GRM1: variants seen among roughly 807,000 people sequenced by gnomAD.
The protein encoded by GRM1 is metabotropic glutamate receptor 1.
A neutral mutation model predicts 90.9 loss-of-function variants in GRM1; 33 were observed. The ratio of observed to expected loss-of-function variants is 0.36; its 90% CI spans 0.28 to 0.49. The LOEUF (loss-of-function observed/expected upper bound fraction) is 0.49, where lower values mean the gene tolerates loss of function less well. Among genes scored for constraint, GRM1 ranks in the 20% least tolerant of loss-of-function variants. The pLI is 0.99. For missense variants in GRM1, 1,190 were observed against 1,534.3 expected (o/e 0.78, Z 3.75); for synonymous variants, 700 against 613.2 (o/e 1.14, Z -2.09).
chr6:146,394,946 ATCT>A (rs1436640801), intron 6 of GRM1, among the ~76,000 whole-genome samples: 1 of 152,138 alleles, frequency 6.6e-6, no homozygotes, highest in Non-Finnish European at 1.5e-5. Context: ...AGCTGGACAC[ATCT>A]TCTGCTATCC....
chr6:146,311,537 T>C (rs985230440), intron 3 of GRM1, among the ~76,000 whole-genome samples: 2 of 152,168 alleles, frequency 1.3e-5, no homozygotes, highest in African/African-American at 2.4e-5. Flanking sequence ...TTATTAACAC[T>C]TTTGATTGGC....
chr6:146,133,846 G>A (rs934565097), intron 1 of GRM1, among the ~76,000 whole-genome samples: 1 of 152,296 alleles, frequency 6.6e-6, no homozygotes, highest in African/African-American at 2.4e-5. Context: ...GCTTTAATGG[G>A]TTACCTCTCC....
At chr6:146,352,645 T>G in intron 4 of GRM1, 149 bp downstream of exon 4, 1 of 788,262 alleles carries the variant, frequency 1.3e-6, no homozygotes, top group Non-Finnish European at 2.2e-6. Context: ...TAATATCAGA[T>G]GAAATTACCA....
At chr6:146,092,276 G>A (rs1373002561) in intron 1 of GRM1, among the ~76,000 whole-genome samples, 1 of 151,878 alleles carries the variant, frequency 6.6e-6, no homozygotes, top group Non-Finnish European at 1.5e-5. Flanking sequence ...CTTATTGTCA[G>A]GACACTAATT....
Position 146,434,573 on chromosome 6 carries a change from A to T in GRM1, c.3362A>T (p.Glu1121Val), listed in dbSNP as rs776540731. The T allele has an allele frequency of 1.1e-5, 18 of 1,613,966 alleles. No homozygotes were observed. Among genetic ancestry groups the T allele is most frequent in the Non-Finnish European group, 1.5e-5 (18 of 1,180,022 alleles). Residue 1121 changes from glutamate to valine, a missense_variant, in exon 8 of 8, where the codon GAA becomes GTA. Around this residue, in one of 10 missense-constraint regions of GRM1, gnomAD observed 400 missense variants for 360.8 expected, o/e 1.11. Transcript: ENST00000282753. ...CACGAGCGGGAAGGGAACACGGAAGAAGACGAACTGGAAGAGGAGGAGGAG... is the reference window on the plus strand; with the variant it reads ...CACGAGCGGGAAGGGAACACGGAAGTAGACGAACTGGAAGAGGAGGAGGAG... The part of the protein sequence containing the change: ...YEHEREGNTE[E>V]DELEEEEEDL...
chr6:146,248,436 G>T (rs1583219580), intron 2 of GRM1, among the ~76,000 whole-genome samples: 1 of 152,158 alleles, frequency 6.6e-6, no homozygotes, highest in Non-Finnish European at 1.5e-5. Context: ...TCTCGTGATA[G>T]TGAGGGAGTT....
chr6:146,264,240 T>A (rs1221544349), intron 2 of GRM1, among the ~76,000 whole-genome samples: 1 of 152,076 alleles, frequency 6.6e-6, no homozygotes, highest in African/African-American at 2.4e-5. Context: ...ATAGAAGAAA[T>A]CAAACGGTGT....
chr6:146,083,796 TCAGAG>T (rs908805624), intron 1 of GRM1, among the ~76,000 whole-genome samples: 4 of 152,236 alleles, frequency 2.6e-5, no homozygotes, highest in African/African-American at 9.6e-5. Flanking sequence ...TGGAATAGTT[TCAGAG>T]GGAATGGTAC....
chr6:146,202,087 A>G (rs1207453145), intron 2 of GRM1, among the ~76,000 whole-genome samples: 1 of 152,176 alleles, frequency 6.6e-6, no homozygotes, highest in African/African-American at 2.4e-5. Flanking sequence ...GCATCCCCCA[A>G]TGAACACATG....
chr6:146,290,324 A>G (rs1202749551), intron 2 of GRM1, among the ~76,000 whole-genome samples: 1 of 152,166 alleles, frequency 6.6e-6, no homozygotes, highest in East Asian at 1.9e-4. Flanking sequence ...GACGTACACA[A>G]GGTTCTTCAG....
intron 7 of GRM1, among the ~76,000 whole-genome samples, chr6:146,403,468 G>A (rs1029644776): frequency 6.6e-6 from 1 of 151,996 alleles, no homozygotes; most frequent in Admixed American, 6.6e-5. Context: ...TAAAATATAG[G>A]TTACTAAGTA....
intron 2 of GRM1, among the ~76,000 whole-genome samples, chr6:146,204,228 G>A (rs531042738): frequency 3.9e-5 from 6 of 152,274 alleles, no homozygotes; most frequent in African/African-American, 1.4e-4. Context: ...AGAAAAAAAT[G>A]CAGATATATT....
rs1270969048 is a variant in GRM1 at position 146,260,743 on chromosome 6, G to A, written c.951-43868G>A. 3.9e-5 allele frequency among the ~76,000 whole-genome samples: 4 copies of A among 103,780 alleles called. No homozygotes were observed. The Admixed American group carries it at 4.3e-4, about 11-fold the overall frequency. 68.1% of individuals were successfully genotyped at this position (103,780 alleles called of 152,430 possible). A position where few individuals can be genotyped will look rare whatever the true frequency, so the allele number is the denominator to read the frequency against. On this transcript the variant is annotated intron_variant, in intron 2 of 7. Coordinates refer to ENST00000282753, the MANE Select transcript of GRM1 (RefSeq NM_001278064.2). ...CTTTTCATAAATCTGTTGGCCATTT[G>A]TATGTCTTCTTTGGAAAAATGTCTT...
intron 1 of GRM1, among the ~76,000 whole-genome samples, chr6:146,103,549 ACTGATTCTGTAATAAACATC>A (rs1777119898): frequency 6.6e-6 from 1 of 152,118 alleles, no homozygotes; most frequent in African/African-American, 2.4e-5. Context: ...TTCCACAGGC[ACTGATTCTGTAATAAACATC>A]CTGTATGCTA....
chr6:146,121,154 G>A (rs1468432979), intron 1 of GRM1, among the ~76,000 whole-genome samples: 2 of 152,032 alleles, frequency 1.3e-5, no homozygotes, highest in Non-Finnish European at 2.9e-5. Flanking sequence ...CTTCTTCCTG[G>A]GTTAGTCTTG....
intron 2 of GRM1, among the ~76,000 whole-genome samples, chr6:146,178,921 G>T (rs1297355594): frequency 6.6e-6 from 1 of 152,120 alleles, no homozygotes; most frequent in East Asian, 1.9e-4. Context: ...ATTCAAAGAT[G>T]TTAATCTACC....
intron 1 of GRM1, among the ~76,000 whole-genome samples, chr6:146,130,306 G>A (rs1356945051): frequency 8.3e-6 from 1 of 120,316 alleles, no homozygotes; most frequent in East Asian, 2.8e-4. Flanking sequence ...ATAATTTTGT[G>A]AAGAATTTTA....
At position 146,110,394 on chromosome 6, in the gene GRM1, A is replaced by C. The variant is rs192320497; in HGVS notation, c.701-48954A>C. Reference sequence around the variant, plus strand: ...AAGCTCTCTTCTCTTGTCTGCCGCCATGTGAGATGTGCCTTTCACCTTCCA... The same window carrying C: ...AAGCTCTCTTCTCTTGTCTGCCGCCCTGTGAGATGTGCCTTTCACCTTCCA... On this transcript the variant is annotated intron_variant, in intron 1 of 7. Transcript: ENST00000282753. 2.1e-3 allele frequency among the ~76,000 whole-genome samples: 313 copies of C among 152,286 alleles called. 1 individual carries two copies. The highest frequency in any genetic ancestry group is 7.2e-3 in the African/African-American group (301 of 41,562).
intron 1 of GRM1, among the ~76,000 whole-genome samples, chr6:146,146,908 A>G (rs574404765): frequency 1.3e-5 from 2 of 152,358 alleles, no homozygotes; most frequent in South Asian, 2.1e-4. Context: ...ACAGAGTAAT[A>G]CAGTCTTCAT....
Sources: gnomAD v4.1 joint callset for allele counts (sites outside exome capture counted in the v4.1 genomes callset) on GRCh38, gnomAD v4.1.1 for gene constraint, gnomAD v4.1.1 regional missense constraint, MANE v1.5 for transcripts, NCBI Gene and HGNC (gene_info 2026-07-23, HGNC 2026-07-21) for gene names.